The following RASGRF2 variants were observed in gnomAD, a reference collection of about 807,000 sequenced individuals.
RASGRF2 encodes Ras protein specific guanine nucleotide releasing factor 2.
Under a neutral mutation model 151.0 loss-of-function variants are expected in RASGRF2, and 76 were observed. The ratio of observed to expected loss-of-function variants is 0.50; its 90% CI spans 0.42 to 0.61. RASGRF2 has a LOEUF of 0.61. RASGRF2 is among the 20% of genes least tolerant of loss of function. The pLI is 0.00. For synonymous variants in RASGRF2, 504 were observed against 566.5 expected, an observed-to-expected ratio of 0.89 and a Z score of 1.57; for missense variants, 1,148 against 1,564.6, an observed-to-expected ratio of 0.73 and a Z score of 4.49.
intron 1 of RASGRF2, among the ~76,000 whole-genome samples, chr5:80,968,893 A>G (rs1747811653): frequency 6.6e-6 from 1 of 151,980 alleles, no homozygotes; most frequent in Non-Finnish European, 1.5e-5. Context: ...TGTGTTGCCC[A>G]GGCTCGTCTT....
intron 1 of RASGRF2, among the ~76,000 whole-genome samples, chr5:80,986,148 A>C (rs772647664): frequency 3.1e-4 from 47 of 152,240 alleles, no homozygotes; most frequent in Non-Finnish European, 6.2e-4. Context: ...GCCATCACAT[A>C]GTCTATATCT....
chr5:81,096,877 A>C (rs1752562920), intron 12 of RASGRF2, among the ~76,000 whole-genome samples: 2 of 151,544 alleles, frequency 1.3e-5, no homozygotes, highest in South Asian at 4.2e-4. Flanking sequence ...GCTGCTTAGC[A>C]AAAAAAAATT....
chr5:81,037,852 A>G (rs1750553164), intron 1 of RASGRF2, among the ~76,000 whole-genome samples: 1 of 152,170 alleles, frequency 6.6e-6, no homozygotes, highest in African/African-American at 2.4e-5. Context: ...TTTCTCCCCT[A>G]AAGAAACCCA....
chr5:81,070,668 C>A, intron 4 of RASGRF2, 87 bp downstream of exon 4: 1 of 1,145,422 alleles, frequency 8.7e-7, no homozygotes, highest in Non-Finnish European at 1.3e-6. Context: ...TGTGCGTGAG[C>A]CGGGAGCAGC....
intron 1 of RASGRF2, among the ~76,000 whole-genome samples, chr5:80,990,220 T>TG (rs1748605546): frequency 8.0e-6 from 1 of 125,294 alleles, no homozygotes; most frequent in Non-Finnish European, 1.6e-5. Context: ...TGCCAGATGT[T>TG]TTTTTTTTTT....
chr5:81,106,792 C>T (rs2112531279), intron 12 of RASGRF2, among the ~76,000 whole-genome samples: 1 of 152,326 alleles, frequency 6.6e-6, no homozygotes, highest in South Asian at 2.1e-4. Context: ...ACACAGGATG[C>T]AGCAGTTTCA....
At chr5:81,216,348 T>TACAC (rs10648156) in intron 24 of RASGRF2, among the ~76,000 whole-genome samples, 4,007 of 147,558 alleles carry the variant, frequency 0.027, 77 homozygotes, top group African/African-American at 0.043. Flanking sequence ...ATTCCCTTTC[T>TACAC]ACACACACAC....
intron 17 of RASGRF2, among the ~76,000 whole-genome samples, chr5:81,174,505 G>C (rs1754727914): frequency 6.6e-6 from 1 of 152,182 alleles, no homozygotes; most frequent in Non-Finnish European, 1.5e-5. Flanking sequence ...AGAATGAAGA[G>C]AGTGTTTGGC....
chr5:81,026,075 C>T (rs1750017178), intron 1 of RASGRF2, among the ~76,000 whole-genome samples: 1 of 137,568 alleles, frequency 7.3e-6, no homozygotes, highest in Non-Finnish European at 1.5e-5. Context: ...CTTCCTCTCT[C>T]CCTCCCTTCC....
chr5:81,076,179 C>T (rs1477665750), intron 5 of RASGRF2, among the ~76,000 whole-genome samples: 3 of 151,646 alleles, frequency 2.0e-5, no homozygotes, highest in Non-Finnish European at 2.9e-5. Flanking sequence ...GGTGGTGGGG[C>T]GGAGGGAAGA....
At chr5:81,165,753 C>T (rs1754491524) in intron 17 of RASGRF2, among the ~76,000 whole-genome samples, 1 of 152,148 alleles carries the variant, frequency 6.6e-6, no homozygotes, top group African/African-American at 2.4e-5. Context: ...GACTCATCTC[C>T]AGAGGTGTTT....
At position 80,991,301 on chromosome 5, in the gene RASGRF2, AGT is replaced by A. The variant is rs368117390; in HGVS notation, c.288+30288_288+30289del. 2.3e-3 allele frequency among the ~76,000 whole-genome samples: 354 copies of A among 151,992 alleles called. 1 individual carries two copies. Among genetic ancestry groups the A allele is most frequent in the South Asian group, 0.014 (69 of 4,804 alleles). On this transcript the variant is annotated intron_variant, in intron 1 of 26. Transcript: ENST00000265080. ...TGGTGAAACTGCATCTCTACAGAAA[AGT>A]GTGTGTGTGTGTTGGGGGGCCTGAG...
intron 2 of RASGRF2, among the ~76,000 whole-genome samples, chr5:81,050,715 G>T (rs142874323): frequency 3.3e-5 from 5 of 152,254 alleles, no homozygotes; most frequent in African/African-American, 1.2e-4. Flanking sequence ...GAGCAGGAAG[G>T]GCTGACCATT....
At chr5:81,108,932 G>T in intron 12 of RASGRF2, 64 bp from the exon 13 acceptor site, 3 of 1,543,532 alleles carry the variant, frequency 1.9e-6, no homozygotes, top group Non-Finnish European at 1.8e-6. Context: ...ATAAACAATT[G>T]TGGGAATATA....
intron 1 of RASGRF2, among the ~76,000 whole-genome samples, chr5:80,969,551 C>T (rs894725145): frequency 6.6e-6 from 1 of 151,508 alleles, no homozygotes; most frequent in African/African-American, 2.4e-5. Flanking sequence ...AGGGTTCACA[C>T]CATTCTCCTG....
chr5:81,206,849 C>T lies in RASGRF2; in HGVS notation c.2911C>T (p.Leu971Phe). The T allele has an allele frequency of 1.2e-6, 2 of 1,609,074 alleles. No homozygotes were observed. Among genetic ancestry groups the T allele is most frequent in the Non-Finnish European group, 1.7e-6 (2 of 1,175,424 alleles). Residue 971 changes from leucine to phenylalanine, a missense_variant, in exon 20 of 27, where the codon CTT becomes TTT. This residue lies in a region of RASGRF2 where 646 missense variants were observed against 807.4 expected (regional missense o/e 0.80). Transcript: ENST00000265080. ...ATAATTTGATATCTTTTTCAGGGCC[C>T]TTTCACAAGATGACCAAGATGACAT... Reference protein sequence around the residue: ...RKAAANILRALSQDDQDDIHL... With the variant: ...RKAAANILRAFSQDDQDDIHL...
chr5:81,049,375 A>G (rs1386620380), intron 2 of RASGRF2, among the ~76,000 whole-genome samples: 1 of 152,106 alleles, frequency 6.6e-6, no homozygotes, highest in Non-Finnish European at 1.5e-5. Flanking sequence ...TATTCATATT[A>G]TTCGCCATCT....
At position 81,095,010 on chromosome 5, in the gene RASGRF2, G is replaced by A; in HGVS notation, c.1755+18G>A. ...TCAGTCAGGTAAGAAAGTGGCTTTT[G>A]CCAAATTTTTGTTTTTTAAATTTCA... On this transcript the variant is annotated intron_variant, in intron 12 of 26. Transcript: ENST00000265080. 2 of 1,399,026 alleles carry A rather than the reference G, an allele frequency of 1.4e-6. No homozygotes were observed. The highest frequency in any genetic ancestry group is 1.9e-5 in the South Asian group (1 of 53,610). The allele number at this position is 1,399,026 out of a possible 1,614,324, so 86.7% of individuals were successfully genotyped here.
At chr5:81,042,789 A>G in intron 1 of RASGRF2, 88 bp from the exon 2 acceptor site, 1 of 911,188 alleles carries the variant, frequency 1.1e-6, no homozygotes, top group Non-Finnish European at 1.7e-6. Flanking sequence ...TTTTGTAAAT[A>G]TGTACCCTTT....
Sources: gnomAD v4.1 joint callset for allele counts (sites outside exome capture counted in the v4.1 genomes callset) on GRCh38, gnomAD v4.1.1 for gene constraint, gnomAD v4.1.1 regional missense constraint, MANE v1.5 for transcripts, NCBI Gene and HGNC (gene_info 2026-07-23, HGNC 2026-07-21) for gene names.